The following ZNF385D variants were observed in gnomAD, a reference collection of about 807,000 sequenced individuals.
ZNF385D encodes the protein zinc finger protein 385D, also known as zinc finger protein 659.
In ZNF385D, 15 loss-of-function variants were observed where a neutral mutation model predicts 35.8. The ratio of observed to expected loss-of-function variants is 0.42; its 90% confidence interval spans 0.28 to 0.64. The LOEUF (loss-of-function observed/expected upper bound fraction) is 0.64. ZNF385D is among the 30% of genes least tolerant of loss of function. ZNF385D has a pLI of 0.23. For missense variants in ZNF385D, 474 were observed against 494.6 expected, an observed-to-expected ratio of 0.96 and a Z score of 0.39; for synonymous variants, 212 against 186.8, an observed-to-expected ratio of 1.13 and a Z score of -1.10.
chr3:22,200,002 G>A (rs775494337), intron 2 of ZNF385D, among the ~76,000 whole-genome samples: 2 of 151,876 alleles, frequency 1.3e-5, no homozygotes, highest in African/African-American at 2.4e-5. Context: ...TATAAAATAG[G>A]CACTAATATT....
chr3:22,183,570 C>G, intron 2 of ZNF385D, among the ~76,000 whole-genome samples: 1 of 152,036 alleles, frequency 6.6e-6, no homozygotes. Context: ...ATTGGCCAGG[C>G]TAGTCTCAAA....
At chr3:22,263,079 A>G (rs779158518) in intron 2 of ZNF385D, among the ~76,000 whole-genome samples, 21 of 151,972 alleles carry the variant, frequency 1.4e-4, no homozygotes, top group Non-Finnish European at 2.2e-4. Context: ...TTCATTGCTC[A>G]CTGACCTTCC....
intron 3 of ZNF385D, among the ~76,000 whole-genome samples, chr3:21,944,271 G>A (rs1173580968): frequency 1.3e-5 from 2 of 152,152 alleles, no homozygotes; most frequent in African/African-American, 4.8e-5. Flanking sequence ...ATGAATAGAA[G>A]GTCGTCTCTG....
In ZNF385D at chr3:22,261,458, G is replaced by C. The variant is rs1033241254; in HGVS notation, c.107-92423C>G. On this transcript the variant is annotated intron_variant, in intron 2 of 5. Coordinates refer to the ZNF385D transcript ENST00000494108. The stretch of plus-strand genomic sequence containing the variant: ...TTTCACAGGAATAAAAGTCTAGGCT[G>C]TCTGAGCAAAGATGTTCTAGGAGCT... Among the ~76,000 whole-genome samples the C allele has an allele frequency of 2.6e-5, 4 of 152,102 alleles. No homozygotes were observed. In the East Asian group the frequency reaches 5.8e-4, roughly 22 times the overall value.
intron 2 of ZNF385D, among the ~76,000 whole-genome samples, chr3:21,615,740 G>T (rs1045692567): frequency 6.7e-6 from 1 of 149,602 alleles, no homozygotes; most frequent in Non-Finnish European, 1.5e-5. Context: ...TATCTTATAA[G>T]GCCTCCCCTA....
intron 3 of ZNF385D, among the ~76,000 whole-genome samples, chr3:21,960,915 G>C (rs1364079430): frequency 6.6e-6 from 1 of 152,050 alleles, no homozygotes; most frequent in Non-Finnish European, 1.5e-5. Context: ...GGGTATTAGA[G>C]GATATGGAGA....
At chr3:21,842,692 T>G in intron 3 of ZNF385D, among the ~76,000 whole-genome samples, 1 of 152,074 alleles carries the variant, frequency 6.6e-6, no homozygotes, top group South Asian at 2.1e-4. Flanking sequence ...CTTATTTCAT[T>G]CAGTGATGCA....
At chr3:22,084,732 G>A (rs1250061188) in intron 3 of ZNF385D, among the ~76,000 whole-genome samples, 1 of 152,182 alleles carries the variant, frequency 6.6e-6, no homozygotes, top group Non-Finnish European at 1.5e-5. Context: ...AGACCTAATA[G>A]ACATCTACAG....
intron 2 of ZNF385D, among the ~76,000 whole-genome samples, chr3:22,201,925 C>A (rs1020751842): frequency 1.3e-5 from 2 of 151,546 alleles, no homozygotes; most frequent in Non-Finnish European, 2.9e-5. Context: ...CAAAAATATC[C>A]CAAGCAAAAT....
chr3:21,601,516 G>A (rs1457471126), intron 2 of ZNF385D, among the ~76,000 whole-genome samples: 2 of 152,278 alleles, frequency 1.3e-5, no homozygotes, highest in East Asian at 3.9e-4. Flanking sequence ...TAAGCATATG[G>A]CCTCCTTTGC....
chr3:21,644,061 T>A (rs1471568216), intron 2 of ZNF385D, among the ~76,000 whole-genome samples: 2 of 152,138 alleles, frequency 1.3e-5, no homozygotes, highest in Non-Finnish European at 2.9e-5. Flanking sequence ...TAACTCTTCA[T>A]TGAATGTTGT....
At chr3:21,717,797 G>C (rs1391633554) in intron 1 of ZNF385D, among the ~76,000 whole-genome samples, 1 of 152,126 alleles carries the variant, frequency 6.6e-6, no homozygotes, top group Admixed American at 6.5e-5. Context: ...TGCCATGATT[G>C]TGAGGCCTTT....
intron 1 of ZNF385D, among the ~76,000 whole-genome samples, chr3:21,689,674 A>G (rs889675680): frequency 6.6e-6 from 1 of 152,150 alleles, no homozygotes; most frequent in Non-Finnish European, 1.5e-5. Context: ...TAATCCATAT[A>G]TAAGAAGCTC....
chr3:22,225,108 C>T (rs1175507829), intron 2 of ZNF385D, among the ~76,000 whole-genome samples: 1 of 152,272 alleles, frequency 6.6e-6, no homozygotes, highest in African/African-American at 2.4e-5. Context: ...CACACTTTTA[C>T]ACAAAATTCC....
intron 1 of ZNF385D, among the ~76,000 whole-genome samples, chr3:21,706,730 C>T (rs1246429170): frequency 6.6e-6 from 1 of 152,114 alleles, no homozygotes; most frequent in Non-Finnish European, 1.5e-5. Flanking sequence ...TACATGAAGG[C>T]ATCTGTTAAG....
chr3:22,279,626 A>G (rs1403264750), intron 2 of ZNF385D, among the ~76,000 whole-genome samples: 1 of 114,400 alleles, frequency 8.7e-6, no homozygotes, highest in Non-Finnish European at 1.7e-5. Flanking sequence ...ATATATGTAT[A>G]TGTGTGTATA....
chr3:21,984,340 G>T (rs1219926107), intron 3 of ZNF385D, among the ~76,000 whole-genome samples: 29 of 129,424 alleles, frequency 2.2e-4, no homozygotes, highest in Admixed American at 1.9e-3. Flanking sequence ...ATTGATTTTT[G>T]TATAAGGTGT....
intron 2 of ZNF385D, among the ~76,000 whole-genome samples, chr3:22,264,040 A>C (rs572003775): frequency 6.6e-6 from 1 of 152,146 alleles, no homozygotes; most frequent in East Asian, 1.9e-4. Context: ...ATGTGAATAT[A>C]AATATATAAA....
chr3:22,317,825 C>T (rs576998922), intron 2 of ZNF385D, among the ~76,000 whole-genome samples: 2 of 152,248 alleles, frequency 1.3e-5, no homozygotes, highest in South Asian at 4.1e-4. Context: ...CTTTAGGAGG[C>T]TAAGGCAGGC....
Sources: allele counts gnomAD v4.1 joint callset (sites outside exome capture counted in the v4.1 genomes callset), GRCh38; gene constraint gnomAD v4.1.1; transcripts MANE v1.5; gene names NCBI Gene and HGNC (gene_info 2026-07-23, HGNC 2026-07-21).